SEMA6B: variants seen among roughly 807,000 people sequenced by gnomAD.
SEMA6B encodes semaphorin-6B.
A neutral mutation model predicts 78.6 loss-of-function variants in SEMA6B; 47 were observed. The observed-to-expected ratio is 0.60, with a 90% confidence interval of 0.47 to 0.76. The LOEUF (loss-of-function observed/expected upper bound fraction) is 0.76. Ranked by LOEUF, SEMA6B falls within the 30% of genes least tolerant of loss-of-function variation. SEMA6B has a pLI of 0.00. For missense variants in SEMA6B, 1,213 were observed against 1,269.9 expected (o/e 0.96, Z 0.68); for synonymous variants, 632 against 592.2 (o/e 1.07, Z -0.98).
chr19:4,543,052 C>A lies in SEMA6B; in HGVS notation c.*549G>T. 1.5e-6 allele frequency: 1 copy of A among 658,404 alleles called. No homozygotes were observed. The highest frequency in any genetic ancestry group is 2.2e-5 in the Admixed American group (1 of 45,848). The allele number at this position is 658,404 out of a possible 1,614,324, so 40.8% of individuals were successfully genotyped here. A position where few individuals can be genotyped will look rare whatever the true frequency, so the allele number is the denominator to read the frequency against. The stretch of plus-strand genomic sequence containing the variant: ...CCCTGCACGCGTGGCCCACTTGACA[C>A]ACACGCCCACAGCAGCCTTCGCTGG... On this transcript the variant is annotated 3_prime_UTR_variant, in exon 17 of 17. Coordinates refer to ENST00000586582, the MANE Select transcript of SEMA6B (RefSeq NM_032108.4).
chr19:4,546,255 C>A lies in SEMA6B; in HGVS notation c.1699G>T (p.Val567Leu). 6.2e-7 allele frequency: 1 copy of A among 1,613,390 alleles called. No individual in the cohort carries two copies. Among genetic ancestry groups the A allele is most frequent in the East Asian group, 2.2e-5 (1 of 44,870 alleles). ...PGTRAAFEQD[V>L]SGASTSGLGD... is the part of the protein sequence containing the mutation. ...AAGCCTGAGGTGCTGGCCCCGGACA[C>A]GTCCTGCTCAAAGGCGGCTCTAATG... The change falls in exon 16 of 17, where the codon GTG (valine) becomes TTG (leucine). Residue 567 changes from valine to leucine, a missense_variant. Transcript: ENST00000586582.
Position 4,543,672 on chromosome 19 carries a change from G to C in SEMA6B, c.2596C>G (p.Arg866Gly). 5.7e-6 allele frequency: 7 copies of C among 1,230,862 alleles called. No homozygotes were observed. The highest frequency in any genetic ancestry group is 7.1e-6 in the Non-Finnish European group (7 of 987,312). The allele number at this position is 1,230,862 out of a possible 1,614,324, so 76.2% of individuals were successfully genotyped here. A position where few individuals can be genotyped will look rare whatever the true frequency, so the allele number is the denominator to read the frequency against. Reference sequence around the variant, plus strand: ...AGGTGGGCCAAGTCTGTGCCCGGCCGGGCGTGGCAGCCGCGGTGGCGGTCC... The same window carrying C: ...AGGTGGGCCAAGTCTGTGCCCGGCCCGGCGTGGCAGCCGCGGTGGCGGTCC... Reference protein sequence around the residue: ...PGDRHRGCHARPGTDLAHLLP... With the variant: ...PGDRHRGCHAGPGTDLAHLLP... Residue 866 changes from arginine to glycine, a missense_variant, in exon 17 of 17, where the codon CGG becomes GGG. Transcript: ENST00000586582.
chr19:4,559,169 G>A (rs1977553273), intron 1 of SEMA6B, among the ~76,000 whole-genome samples: 1 of 146,208 alleles, frequency 6.8e-6, no homozygotes, highest in Non-Finnish European at 1.5e-5. Flanking sequence ...ACTCCAGCCT[G>A]GGCAACAGAG....
rs1977230091 is a variant in SEMA6B, at chr19:4,548,403, G to A, written c.1314C>T (p.Pro438=). 1 of 1,613,504 alleles carries A rather than the reference G, an allele frequency of 6.2e-7. No individual in the cohort carries two copies. The highest frequency in any genetic ancestry group is 8.5e-7 in the Non-Finnish European group (1 of 1,179,946). The change falls in exon 13 of 17, where the codon CCC becomes CCT. Residue 438 remains proline (P), a synonymous_variant. Coordinates refer to ENST00000586582, the MANE Select transcript of SEMA6B (RefSeq NM_032108.4). ...GGAAGACAACGGTCTGGTTGCCCCA[G>A]GGGCCGGCTCCCACGTCCACAGCCA... is the stretch of plus-strand genomic sequence containing the variant. ...TRVAVDVGAG[P]WGNQTVVFLG... is the part of the protein sequence containing the mutation.
rs749689977 is a variant in SEMA6B, at chr19:4,544,031, G to A, written c.2237C>T (p.Ala746Val). The stretch of plus-strand genomic sequence containing the variant: ...CGCCAGCAGCAGGAGGGAGGATGAA[G>A]CGGAGGCCGGGAGCAGGGGGTGGCC... ...DHGHPLLPAS[A>V]SSSLLLLAPA... The change falls in exon 17 of 17, where the codon GCT (alanine) becomes GTT (valine). Residue 746 changes from alanine to valine, a missense_variant. Physicochemically the swap from Ala to Val is moderately conservative, Grantham distance 64. Transcript: ENST00000586582. This position sits in a 1 kb window ranked among gnomAD's most constrained non-coding sequence, Gnocchi z 5.1. 167 of 1,217,456 alleles carry A rather than the reference G, an allele frequency of 1.4e-4. No homozygotes were observed. The highest frequency in any genetic ancestry group is 1.6e-4 in the Non-Finnish European group (158 of 978,950). 75.4% of individuals were successfully genotyped at this position (1,217,456 alleles called of 1,614,324 possible). A position where few individuals can be genotyped will look rare whatever the true frequency, so the allele number is the denominator to read the frequency against.
chr19:4,554,890 G>T, intron 8 of SEMA6B, 86 bp downstream of exon 8: 1 of 1,483,678 alleles, frequency 6.7e-7, no homozygotes, highest in Non-Finnish European at 9.2e-7. Flanking sequence ...AAGCTCCTCT[G>T]GGACTCTTAT....
At chr19:4,548,769 G>A (rs980873631) in intron 12 of SEMA6B, among the ~76,000 whole-genome samples, 2 of 152,210 alleles carry the variant, frequency 1.3e-5, no homozygotes, top group African/African-American at 2.4e-5. Context: ...CCGGGTTCAA[G>A]CAATTCTCTT....
chr19:4,543,734 C>A lies in SEMA6B; in HGVS notation c.2534G>T (p.Arg845Leu), dbSNP rs1221468461. 2.4e-6 allele frequency: 3 copies of A among 1,228,042 alleles called. No homozygotes were observed. The highest frequency in any genetic ancestry group is 3.0e-6 in the Non-Finnish European group (3 of 985,596). 76.1% of individuals were successfully genotyped at this position (1,228,042 alleles called of 1,614,324 possible). The change falls in exon 17 of 17, where the codon CGC becomes CTC. Residue 845 changes from arginine to leucine, a missense_variant. By Grantham distance (102) the Arg-to-Leu change is moderately radical. Transcript: ENST00000586582. ...CTCGCCGCTGTTGAACGTGTGGGTG[C>A]GGCGCAGGGTGGCGGCCGGAGGGGC... ...PHAPPAATLR[R>L]THTFNSGEAR...
chr19:4,557,591 C>A (rs1228659220), intron 3 of SEMA6B, among the ~76,000 whole-genome samples: 1 of 152,228 alleles, frequency 6.6e-6, no homozygotes, highest in Non-Finnish European at 1.5e-5. Context: ...GTGGTCACTT[C>A]CGCATCCTCC....
chr19:4,555,873 C>T lies in SEMA6B; in HGVS notation c.471+115G>A. 1.2e-6 allele frequency: 1 copy of T among 855,880 alleles called. No individual in the cohort carries two copies. Among genetic ancestry groups the T allele is most frequent in the South Asian group, 1.4e-5 (1 of 70,896 alleles). The allele number at this position is 855,880 out of a possible 1,614,324, so 53.0% of individuals were successfully genotyped here. A position where few individuals can be genotyped will look rare whatever the true frequency, so the allele number is the denominator to read the frequency against. ...GGGGAGGAGGCAGGGAGAGTATATC[C>T]AGGAAGGCTTCCTGGAGGAGGTGAC... On this transcript the variant is annotated intron_variant, in intron 6 of 16. Transcript: ENST00000586582. The surrounding 1 kb of genome is among the most constrained non-coding windows in gnomAD (Gnocchi z 6.1).
In SEMA6B at chr19:4,543,641, G is replaced by A. The variant is rs1382617990; in HGVS notation, c.2627C>T (p.Pro876Leu). Residue 876 changes from proline to leucine, a missense_variant, in exon 17 of 17, where the codon CCC (proline) becomes CTC (leucine). Transcript: ENST00000586582. ...CGCAGTCCTGTCCGCCCCCCCATAG[G>A]GGAGGAGGTGGGCCAAGTCTGTGCC... ...RPGTDLAHLL[P>L]YGGADRTAPP... 1.6e-6 allele frequency: 2 copies of A among 1,232,328 alleles called. No homozygotes were observed. The highest frequency in any genetic ancestry group is 2.0e-6 in the Non-Finnish European group (2 of 988,122). 76.3% of individuals were successfully genotyped at this position (1,232,328 alleles called of 1,614,324 possible). A position where few individuals can be genotyped will look rare whatever the true frequency, so the allele number is the denominator to read the frequency against.
At chr19:4,554,326 C>T in intron 9 of SEMA6B, 62 bp downstream of exon 9, 1 of 1,332,464 alleles carries the variant, frequency 7.5e-7, no homozygotes, top group Non-Finnish European at 1.1e-6. Flanking sequence ...GGATCCACCT[C>T]TGCCCCCTCA....
Position 4,557,202 on chromosome 19 carries a change from C to T in SEMA6B, c.267G>A (p.Glu89=), listed in dbSNP as rs767384205. 1.3e-5 allele frequency: 20 copies of T among 1,599,846 alleles called. No homozygotes were observed. The African/African-American group carries it at 2.5e-4, about 20-fold the overall frequency. Residue 89 remains glutamate, a synonymous_variant, in exon 4 of 17, where the codon GAG becomes GAA. Coordinates refer to ENST00000586582, the MANE Select transcript of SEMA6B (RefSeq NM_032108.4). ...GCTCCGTGGACGTGGGGGGCTCCAG[C>T]TCTACGCGGTAGAGGTTGTCCCTGG... The part of the protein sequence containing the change: ...IGDRDNLYRV[E]LEPPTSTELR...
At chr19:4,546,907 C>T (rs943015014) in intron 14 of SEMA6B, among the ~76,000 whole-genome samples, 26 of 151,754 alleles carry the variant, frequency 1.7e-4, no homozygotes, top group African/African-American at 5.3e-4. Flanking sequence ...TGAGCCACCA[C>T]GGCTGGCGTT....
chr19:4,548,355 G>A lies in SEMA6B; in HGVS notation c.1362C>T (p.Val454=). Residue 454 remains valine, a synonymous_variant, in exon 13 of 17, where the codon GTC becomes GTT. Coordinates refer to ENST00000586582, the MANE Select transcript of SEMA6B (RefSeq NM_032108.4). ...VVFLGSEAGT[V]LKFLVRPNAS... Reference sequence around the variant, plus strand: ...CATTGGGCCGGACGAGGAACTTGAGGACCGTCCCCGCCTCAGAACCCAGGA... The same window carrying A: ...CATTGGGCCGGACGAGGAACTTGAGAACCGTCCCCGCCTCAGAACCCAGGA... 2 of 1,613,850 alleles carry A rather than the reference G, an allele frequency of 1.2e-6. No individual in the cohort carries two copies. The highest frequency in any genetic ancestry group is 1.3e-5 in the African/African-American group (1 of 75,050).
intron 9 of SEMA6B, 35 bp downstream of exon 9, chr19:4,554,353 C>A: frequency 6.6e-7 from 1 of 1,514,724 alleles, no homozygotes; most frequent in South Asian, 1.1e-5. Flanking sequence ...ATGATCAGAG[C>A]CTCTCAACTT....
chr19:4,551,952 C>A (rs1977345447), intron 10 of SEMA6B, among the ~76,000 whole-genome samples: 1 of 152,180 alleles, frequency 6.6e-6, no homozygotes, highest in Non-Finnish European at 1.5e-5. Flanking sequence ...AAGTTTCTGC[C>A]TGCAGCCCAC....
In SEMA6B at chr19:4,552,664, G is replaced by A. The variant is rs1471168613; in HGVS notation, c.772-25C>T. The A allele has an allele frequency of 2.5e-6, 4 of 1,570,216 alleles. No individual in the cohort carries two copies. The highest frequency in any genetic ancestry group is 1.7e-5 in the Admixed American group (1 of 57,480). On this transcript the variant is annotated intron_variant, in intron 9 of 16. Transcript: ENST00000586582. This position sits in a 1 kb window ranked among gnomAD's most constrained non-coding sequence, Gnocchi z 7.4. ...CCTGGGCGTGACAGTGGACGGACGG[G>A]GGCCTGAGCTCTGTGTCCCAGGAAG...
chr19:4,554,830 T>C, intron 8 of SEMA6B, 146 bp downstream of exon 8: 1 of 1,071,146 alleles, frequency 9.3e-7, no homozygotes, highest in Non-Finnish European at 1.3e-6. Context: ...AGCTTTCTAG[T>C]CTTCAAAAAG....
Sources: gnomAD v4.1 joint callset for allele counts (sites outside exome capture counted in the v4.1 genomes callset) on GRCh38, gnomAD v4.1.1 for gene constraint, Gnocchi (gnomAD v3.1) non-coding constraint, MANE v1.5 for transcripts, NCBI Gene and HGNC (gene_info 2026-07-23, HGNC 2026-07-21) for gene names.